PIEZO2: variants seen among roughly 807,000 people sequenced by gnomAD.
PIEZO2 encodes the protein piezo type mechanosensitive ion channel component 2.
PIEZO2 carries 172 observed loss-of-function variants against 337.3 expected under a neutral mutation model. The ratio of observed to expected loss-of-function variants is 0.51; its 90% confidence interval spans 0.45 to 0.58. The LOEUF (loss-of-function observed/expected upper bound fraction) is 0.58, where lower values mean the gene tolerates loss of function less well. Ranked by LOEUF, PIEZO2 falls within the 20% of genes least tolerant of loss-of-function variation. The pLI, the probability that PIEZO2 is intolerant of heterozygous loss-of-function variation, is 0.00. For synonymous variants in PIEZO2, 1,251 were observed against 1,228.5 expected (o/e 1.02, Z -0.38); for missense variants, 3,028 against 3,391.3 (o/e 0.89, Z 2.66).
intron 2 of PIEZO2, among the ~76,000 whole-genome samples, chr18:11,020,768 C>T (rs1021029251): frequency 2.2e-4 from 33 of 152,168 alleles, no homozygotes; most frequent in African/African-American, 6.3e-4. Flanking sequence ...TAAGCTAATC[C>T]TTTGCTGAAA....
At chr18:11,113,225 C>T (rs1413278740) in intron 1 of PIEZO2, among the ~76,000 whole-genome samples, 2 of 152,318 alleles carry the variant, frequency 1.3e-5, no homozygotes, top group East Asian at 3.9e-4. Context: ...ACTTGTCTTC[C>T]CTGTGTGACT....
chr18:10,730,472 G>C (rs1166863367), intron 36 of PIEZO2, among the ~76,000 whole-genome samples: 1 of 152,118 alleles, frequency 6.6e-6, no homozygotes, highest in Non-Finnish European at 1.5e-5. Flanking sequence ...AACATACACA[G>C]AATACTCATC....
Position 10,763,260 on chromosome 18 carries a change from G to C in PIEZO2, c.2947-162C>G. The C allele has an allele frequency of 5.8e-6, 4 of 687,992 alleles. No homozygotes were observed. In the South Asian group the frequency reaches 7.7e-5, roughly 13 times the overall value. 42.6% of individuals were successfully genotyped at this position (687,992 alleles called of 1,614,324 possible). A position where few individuals can be genotyped will look rare whatever the true frequency, so the allele number is the denominator to read the frequency against. ...CCTAGGTGCTGGGGTACTAAAGTAG[G>C]TGAGTTATGGTCTCACCCCTCAAGG... On this transcript the variant is annotated intron_variant, in intron 21 of 55. Transcript: ENST00000674853.
rs906491401 is a variant in PIEZO2 at position 11,099,162 on chromosome 18, C to G, written c.65-32940G>C. On this transcript the variant is annotated intron_variant, in intron 1 of 55. Transcript: ENST00000674853. This position sits in a 1 kb window ranked among gnomAD's most constrained non-coding sequence, Gnocchi z 5.4. ...ATGAATTATTTAACCAATTCCCTGA[C>G]TGGACTGACATTTCACTATTTTTTA... Among the ~76,000 whole-genome samples the G allele has an allele frequency of 6.6e-6, 1 of 152,188 alleles. No homozygotes were observed. Among genetic ancestry groups the G allele is most frequent in the Non-Finnish European group, 1.5e-5 (1 of 68,034 alleles).
In PIEZO2 at chr18:11,048,083, C is replaced by T. The variant is rs930099883; in HGVS notation, c.160+18044G>A. ...TGGGTGTAGACAGTCAAGAGCACAG[C>T]GGCAGCCACTGCCACCAACAGCATG... is the stretch of plus-strand genomic sequence containing the variant. On this transcript the variant is annotated intron_variant, in intron 2 of 55. Coordinates refer to ENST00000674853, the MANE Select transcript of PIEZO2 (RefSeq NM_001378183.1). This position sits in a 1 kb window ranked among gnomAD's most constrained non-coding sequence, Gnocchi z 4.5. Among the ~76,000 whole-genome samples, 11 of 152,224 alleles carry T rather than the reference C, an allele frequency of 7.2e-5. No individual in the cohort carries two copies. The highest frequency in any genetic ancestry group is 4.1e-4 in the South Asian group (2 of 4,820).
At chr18:10,686,573 G>C (rs1449455081) in intron 49 of PIEZO2, among the ~76,000 whole-genome samples, 3 of 152,216 alleles carry the variant, frequency 2.0e-5, no homozygotes. Context: ...AGGGTATTAA[G>C]TGATTCCTAG....
rs2039717932 is a variant in PIEZO2, at chr18:11,111,099, C to G, written c.64+37426G>C. On this transcript the variant is annotated intron_variant, in intron 1 of 55. Coordinates refer to ENST00000674853, the MANE Select transcript of PIEZO2 (RefSeq NM_001378183.1). The surrounding 1 kb of genome is among the most constrained non-coding windows in gnomAD (Gnocchi z 6.2). ...TCCCCAAGCACTAGGGAGGTGCCTGCCTCAGTGCCTACAGATGCTTCTTCA... is the reference window on the plus strand; with the variant it reads ...TCCCCAAGCACTAGGGAGGTGCCTGGCTCAGTGCCTACAGATGCTTCTTCA... Among the ~76,000 whole-genome samples, 1 of 152,202 alleles carries G rather than the reference C, an allele frequency of 6.6e-6. No individual in the cohort carries two copies. Among genetic ancestry groups the G allele is most frequent in the African/African-American group, 2.4e-5 (1 of 41,448 alleles).
intron 1 of PIEZO2, among the ~76,000 whole-genome samples, chr18:11,074,361 G>A (rs780688715): frequency 3.3e-5 from 5 of 152,296 alleles, no homozygotes; most frequent in East Asian, 1.9e-4. Context: ...GCAGGTCAAT[G>A]TGTTTAAAGG....
Position 10,726,424 on chromosome 18 carries a change from G to A in PIEZO2, c.5029+4983C>T. On this transcript the variant is annotated intron_variant, in intron 36 of 55. Transcript: ENST00000674853. The surrounding 1 kb of genome is among the most constrained non-coding windows in gnomAD (Gnocchi z 5.9). ...CGCCAGCCGTGGCACAACGCGGAGG[G>A]CCGGCTGCGGTACGGGCTACGGCCG... 6.5e-7 allele frequency: 1 copy of A among 1,529,868 alleles called. No individual in the cohort carries two copies. Among genetic ancestry groups the A allele is most frequent in the Non-Finnish European group, 8.7e-7 (1 of 1,144,964 alleles). The allele number at this position is 1,529,868 out of a possible 1,614,324, so 94.8% of individuals were successfully genotyped here.
At chr18:10,925,446 A>G (rs2145159057) in intron 3 of PIEZO2, among the ~76,000 whole-genome samples, 1 of 152,358 alleles carries the variant, frequency 6.6e-6, no homozygotes, top group South Asian at 2.1e-4. Context: ...AGGATACGGC[A>G]GTAAACACGG....
Position 10,993,039 on chromosome 18 carries a change from G to A in PIEZO2, c.161-13379C>T, listed in dbSNP as rs937165319. Among the ~76,000 whole-genome samples, 50 of 152,170 alleles carry A rather than the reference G, an allele frequency of 3.3e-4. No individual in the cohort carries two copies. Among genetic ancestry groups the A allele is most frequent in the Non-Finnish European group, 2.2e-4 (15 of 68,026 alleles). ...ATTTGGCTGTTTGTCTGTTATTGGTGTATAGGAATGCTTGTGATTTTTGCA... is the reference window on the plus strand; with the variant it reads ...ATTTGGCTGTTTGTCTGTTATTGGTATATAGGAATGCTTGTGATTTTTGCA... On this transcript the variant is annotated intron_variant, in intron 2 of 55. Coordinates refer to ENST00000674853, the MANE Select transcript of PIEZO2 (RefSeq NM_001378183.1). The surrounding 1 kb of genome is among the most constrained non-coding windows in gnomAD (Gnocchi z 5.0).
chr18:11,015,831 C>G (rs1049602622), intron 2 of PIEZO2, among the ~76,000 whole-genome samples: 12 of 152,178 alleles, frequency 7.9e-5, no homozygotes, highest in Non-Finnish European at 1.6e-4. Context: ...CACAAAAAAC[C>G]CTTTAAGGCT....
intron 3 of PIEZO2, among the ~76,000 whole-genome samples, chr18:10,959,009 CTG>C (rs1232908027): frequency 2.0e-5 from 3 of 152,130 alleles, no homozygotes; most frequent in Non-Finnish European, 2.9e-5. Flanking sequence ...AAATAAATGC[CTG>C]TGACTGTTAC....
At chr18:11,025,327 G>C (rs2584732) in intron 2 of PIEZO2, among the ~76,000 whole-genome samples, 1 of 151,954 alleles carries the variant, frequency 6.6e-6, no homozygotes, top group Non-Finnish European at 1.5e-5. Context: ...CACAAATCTG[G>C]TGATAGGTAA....
In PIEZO2 at chr18:11,111,100, C is replaced by T. The variant is rs1162197728; in HGVS notation, c.64+37425G>A. Among the ~76,000 whole-genome samples, 2 of 152,204 alleles carry T rather than the reference C, an allele frequency of 1.3e-5. No homozygotes were observed. Among genetic ancestry groups the T allele is most frequent in the South Asian group, 2.1e-4 (1 of 4,836 alleles). On this transcript the variant is annotated intron_variant, in intron 1 of 55. Transcript: ENST00000674853. The surrounding 1 kb of genome is among the most constrained non-coding windows in gnomAD (Gnocchi z 6.2). ...CCCCAAGCACTAGGGAGGTGCCTGC[C>T]TCAGTGCCTACAGATGCTTCTTCAG...
At chr18:10,802,847 C>G (rs2039871707) in intron 9 of PIEZO2, among the ~76,000 whole-genome samples, 1 of 151,942 alleles carries the variant, frequency 6.6e-6, no homozygotes, top group African/African-American at 2.4e-5. Context: ...TGGCACATGC[C>G]TGTAGTCCCA....
At position 10,952,632 on chromosome 18, in the gene PIEZO2, G is replaced by A. The variant is rs1363037937; in HGVS notation, c.286+26903C>T. Among the ~76,000 whole-genome samples, 2 of 152,134 alleles carry A rather than the reference G, an allele frequency of 1.3e-5. No individual in the cohort carries two copies. The highest frequency in any genetic ancestry group is 2.4e-5 in the African/African-American group (1 of 41,428). ...AGTTGCTTCCAGTTGGGGCAATGAC[G>A]AATAAACCTGCTTTAAACATTTGCT... On this transcript the variant is annotated intron_variant, in intron 3 of 55. Coordinates refer to ENST00000674853, the MANE Select transcript of PIEZO2 (RefSeq NM_001378183.1). This position sits in a 1 kb window ranked among gnomAD's most constrained non-coding sequence, Gnocchi z 4.1.
At chr18:11,068,728 G>A (rs2038239259) in intron 1 of PIEZO2, among the ~76,000 whole-genome samples, 1 of 152,030 alleles carries the variant, frequency 6.6e-6, no homozygotes, top group Admixed American at 6.6e-5. Context: ...CAATAGAAAA[G>A]GCCAACAAAA....
chr18:11,084,290 G>T (rs971845995), intron 1 of PIEZO2, among the ~76,000 whole-genome samples: 1 of 151,474 alleles, frequency 6.6e-6, no homozygotes, highest in African/African-American at 2.4e-5. Context: ...ATCCTTTGTT[G>T]AATCAATCAA....
Sources: allele counts gnomAD v4.1 joint callset (sites outside exome capture counted in the v4.1 genomes callset), GRCh38; gene constraint gnomAD v4.1.1; non-coding constraint Gnocchi (gnomAD v3.1); transcripts MANE v1.5; gene names NCBI Gene and HGNC (gene_info 2026-07-23, HGNC 2026-07-21).